PTN: variants seen among roughly 807,000 people sequenced by gnomAD.
PTN encodes the protein heparin affin regulatory protein.
A neutral mutation model predicts 24.1 loss-of-function variants in PTN; 18 were observed. That is an observed-to-expected ratio of 0.75 (90% confidence interval 0.52 to 1.11). PTN has a LOEUF of 1.11. Among genes scored for constraint, PTN ranks in the 50% least tolerant of loss-of-function variants. The pLI, the probability that PTN is intolerant of heterozygous loss-of-function variation, is 0.00. For missense variants in PTN, 163 were observed against 198.8 expected (o/e 0.82, Z 1.08); for synonymous variants, 78 against 68.6 (o/e 1.14, Z -0.67).
At chr7:137,333,134 C>T (rs1292655987) in intron 1 of PTN, among the ~76,000 whole-genome samples, 2 of 152,034 alleles carry the variant, frequency 1.3e-5, no homozygotes, top group East Asian at 3.9e-4. Flanking sequence ...TCTTAGTTCC[C>T]CCAGGAGCTG....
intron 1 of PTN, among the ~76,000 whole-genome samples, chr7:137,288,051 A>C (rs1191268975): frequency 6.6e-6 from 1 of 152,194 alleles, no homozygotes; most frequent in African/African-American, 2.4e-5. Context: ...GGAATACGTA[A>C]AAGAGGATAT....
intron 4 of PTN, among the ~76,000 whole-genome samples, chr7:137,244,529 C>A (rs1427270194): frequency 2.0e-5 from 3 of 151,944 alleles, no homozygotes; most frequent in East Asian, 1.9e-4. Context: ...ATCCCTCCCC[C>A]CTCCTCCCAC....
chr7:137,338,389 T>C (rs905362304), intron 1 of PTN, among the ~76,000 whole-genome samples: 8 of 152,228 alleles, frequency 5.3e-5, no homozygotes, highest in African/African-American at 1.7e-4. Context: ...ATGTGGCAAA[T>C]GTGAAATGAA....
intron 1 of PTN, among the ~76,000 whole-genome samples, chr7:137,337,442 TGAGTA>T (rs1207265555): frequency 2.0e-5 from 3 of 152,070 alleles, no homozygotes; most frequent in Non-Finnish European, 2.9e-5. Context: ...TCAATCTACC[TGAGTA>T]GAGTTACAAA....
chr7:137,277,051 A>G (rs1242165874), intron 1 of PTN, among the ~76,000 whole-genome samples: 1 of 152,230 alleles, frequency 6.6e-6, no homozygotes, highest in Admixed American at 6.5e-5. Flanking sequence ...TATCTGTCAA[A>G]TGAATTTTAT....
intron 1 of PTN, among the ~76,000 whole-genome samples, chr7:137,277,473 T>A (rs1055877170): frequency 1.3e-5 from 2 of 152,216 alleles, no homozygotes; most frequent in East Asian, 3.8e-4. Context: ...GCAGCTTGCT[T>A]TATTTGTAAT....
At chr7:137,273,716 G>C (rs1472574891) in intron 1 of PTN, among the ~76,000 whole-genome samples, 1 of 152,132 alleles carries the variant, frequency 6.6e-6, no homozygotes, top group Admixed American at 6.5e-5. Context: ...GGAGCTGTGA[G>C]GGGGAAAGGA....
intron 1 of PTN, among the ~76,000 whole-genome samples, chr7:137,278,989 A>G (rs1809420853): frequency 6.7e-6 from 1 of 148,344 alleles, no homozygotes. Context: ...AATAAAATAA[A>G]GAAACGGACC....
At chr7:137,256,361 C>T in intron 1 of PTN, among the ~76,000 whole-genome samples, 1 of 152,108 alleles carries the variant, frequency 6.6e-6, no homozygotes, top group African/African-American at 2.4e-5. Flanking sequence ...GTTCCCCTCC[C>T]TGTGTCCATG....
At position 137,245,929 on chromosome 7, in the gene PTN, TTAAAA is replaced by T. The variant is rs1245181605; in HGVS notation, c.451+5296_451+5300del. ...AGTCTTATTTTAAAAGAGTCAAAAG[TTAAAA>T]TAAATTTAAAAGTTTATAAACTAAA... is the stretch of plus-strand genomic sequence containing the variant. On this transcript the variant is annotated intron_variant, in intron 4 of 4. Transcript: ENST00000348225. 3.3e-5 allele frequency among the ~76,000 whole-genome samples: 5 copies of T among 152,364 alleles called. 1 individual carries two copies. The highest frequency in any genetic ancestry group is 1.2e-4 in the African/African-American group (5 of 41,596).
At chr7:137,254,784 G>A (rs1040141984) in intron 2 of PTN, 75 bp downstream of exon 2, 11 of 970,486 alleles carry the variant, frequency 1.1e-5, no homozygotes, top group Non-Finnish European at 1.5e-5. Flanking sequence ...TAGAAGAGAG[G>A]AAGGAAAAGC....
chr7:137,229,019 C>A (rs2128866825), intron 4 of PTN, among the ~76,000 whole-genome samples: 1 of 151,912 alleles, frequency 6.6e-6, no homozygotes, highest in Non-Finnish European at 1.5e-5. Flanking sequence ...CTGTGAGACA[C>A]TGAGAAAGTT....
chr7:137,292,266 T>A (rs1380973943), intron 1 of PTN, among the ~76,000 whole-genome samples: 1 of 152,146 alleles, frequency 6.6e-6, no homozygotes, highest in Non-Finnish European at 1.5e-5. Context: ...CATACTTTAA[T>A]CATTTCTAGA....
At chr7:137,265,456 T>C (rs1809125227) in intron 1 of PTN, among the ~76,000 whole-genome samples, 1 of 152,154 alleles carries the variant, frequency 6.6e-6, no homozygotes, top group Non-Finnish European at 1.5e-5. Context: ...CTCTTGAAAA[T>C]TCTTAAGCTC....
intron 1 of PTN, among the ~76,000 whole-genome samples, chr7:137,342,955 C>G (rs1810559045): frequency 6.6e-6 from 1 of 152,046 alleles, no homozygotes; most frequent in Admixed American, 6.5e-5. Flanking sequence ...CACAGCTTAC[C>G]TAGAAATGCC....
intron 1 of PTN, among the ~76,000 whole-genome samples, chr7:137,310,984 C>A (rs997192369): frequency 6.6e-6 from 1 of 152,132 alleles, no homozygotes; most frequent in Non-Finnish European, 1.5e-5. Context: ...GTAATCCCAG[C>A]ACCTTGGGAG....
chr7:137,243,093 C>T (rs111353739), intron 4 of PTN, among the ~76,000 whole-genome samples: 1,948 of 152,234 alleles, frequency 0.013, 19 homozygotes, highest in Non-Finnish European at 0.019. Context: ...TGCACCACCA[C>T]GCCCATCTAA....
rs536630050 is a variant in PTN, at chr7:137,293,587, C to A, written c.-1-38613G>T. Among the ~76,000 whole-genome samples, 12 of 152,178 alleles carry A rather than the reference C, an allele frequency of 7.9e-5. No homozygotes were observed. In the South Asian group the frequency reaches 2.1e-3, roughly 26 times the overall value. ...ACCATACTCAGCATCATAAAGATGG[C>A]AAACTCATGTCCTGACTTTACTTTT... On this transcript the variant is annotated intron_variant, in intron 1 of 4. Transcript: ENST00000348225.
In PTN at chr7:137,239,853, T is replaced by C. The variant is rs1446327205; in HGVS notation, c.451+11377A>G. Among the ~76,000 whole-genome samples the C allele has an allele frequency of 2.0e-5, 3 of 152,258 alleles. No individual in the cohort carries two copies. In the East Asian group the frequency reaches 5.8e-4, roughly 29 times the overall value. The stretch of plus-strand genomic sequence containing the variant: ...CCTCGGTACAGCATAATGGATGCCT[T>C]ATCACAGGAGTGACATGTCCTCTCA... On this transcript the variant is annotated intron_variant, in intron 4 of 4. Transcript: ENST00000348225.
Sources: allele counts gnomAD v4.1 joint callset (sites outside exome capture counted in the v4.1 genomes callset), GRCh38; gene constraint gnomAD v4.1.1; transcripts MANE v1.5; gene names NCBI Gene and HGNC (gene_info 2026-07-23, HGNC 2026-07-21).